DIP2A: variants seen among roughly 807,000 people sequenced by gnomAD.
DIP2A encodes the protein DIP2 acetate--CoA ligase A.
DIP2A carries 85 observed loss-of-function variants against 177.4 expected under a neutral mutation model. The observed-to-expected ratio is 0.48, with a 90% CI of 0.40 to 0.57. DIP2A has a LOEUF of 0.57. DIP2A is among the 20% of genes least tolerant of loss of function. DIP2A has a pLI of 0.00. For missense variants in DIP2A, 1,791 were observed against 2,100.2 expected (o/e 0.85, Z 2.88); for synonymous variants, 886 against 881.8 (o/e 1.00, Z -0.08).
At chr21:46,461,641 G>C (rs2054322650) in intron 1 of DIP2A, among the ~76,000 whole-genome samples, 1 of 152,158 alleles carries the variant, frequency 6.6e-6, no homozygotes, top group African/African-American at 2.4e-5. Context: ...CTATCTGTTG[G>C]ATCCATTTAT....
At chr21:46,574,755 T>C (rs2060982414), downstream of DIP2A, among the ~76,000 whole-genome samples, 1 of 152,030 alleles carries the variant, frequency 6.6e-6, no homozygotes, top group Non-Finnish European at 1.5e-5. Context: ...CATGAAGAAA[T>C]AGAAAATCTG....
intron 6 of DIP2A, among the ~76,000 whole-genome samples, chr21:46,508,824 C>T (rs1321761685): frequency 6.6e-6 from 1 of 151,534 alleles, no homozygotes; most frequent in East Asian, 2.0e-4. Context: ...AGATCGATAC[C>T]ATCCTGGCCA....
intron 1 of DIP2A, among the ~76,000 whole-genome samples, chr21:46,463,697 TGTGTGTGTGTGTGTGTGTGTGTA>T (rs1445417199): frequency 1.6e-4 from 24 of 151,410 alleles, no homozygotes; most frequent in African/African-American, 5.1e-4. Flanking sequence ...TGTGTGTGTG[TGTGTGTGTGTGTGTGTGTGTGTA>T]TATTTTGAGA....
intron 33 of DIP2A, chr21:46,561,508 AGAGT>A: frequency 1.7e-6 from 1 of 598,508 alleles, no homozygotes; most frequent in East Asian, 3.3e-5. Context: ...AACGAAATGT[AGAGT>A]GAGCTGCTGT....
rs201810968 is a variant in DIP2A at position 46,551,711 on chromosome 21, G to A, written c.2917G>A (p.Ala973Thr). 128 of 1,613,844 alleles carry A rather than the reference G, an allele frequency of 7.9e-5. No homozygotes were observed. Among genetic ancestry groups the A allele is most frequent in the African/African-American group, 2.4e-4 (18 of 74,920 alleles). ...CGCTCAGGCTTCCGGGAGAGAGCTC[G>A]CCCACCTGGAGGACAGCGACCAGGC... is the stretch of plus-strand genomic sequence containing the variant. ...RIAQASGRELAHLEDSDQARK... is the reference protein window; with the variant it reads ...RIAQASGRELTHLEDSDQARK... The change falls in exon 24 of 38, where the codon GCC becomes ACC. Residue 973 changes from alanine to threonine, a missense_variant. Ala to Thr is a moderately conservative substitution (Grantham distance 58). Transcript: ENST00000417564.
chr21:46,487,661 C>T lies in DIP2A; in HGVS notation c.163+2833C>T, dbSNP rs118144326. On this transcript the variant is annotated intron_variant, in intron 2 of 37. Coordinates refer to ENST00000417564, the MANE Select transcript of DIP2A (RefSeq NM_015151.4). ...GATATGAAGATAGAAGGCAAATATG[C>T]GGCTTTTCTCTAGCAATATTTCTGT... 6.4e-4 allele frequency among the ~76,000 whole-genome samples: 97 copies of T among 152,194 alleles called. 1 individual carries two copies. In the East Asian group the frequency reaches 0.017, roughly 27 times the overall value.
chr21:46,503,611 CCTTT>C lies in DIP2A; in HGVS notation c.656-728_656-725del, dbSNP rs779856854. Among the ~76,000 whole-genome samples the C allele has an allele frequency of 4.2e-3, 538 of 128,564 alleles. 1 individual carries two copies. The highest frequency in any genetic ancestry group is 6.5e-3 in the South Asian group (27 of 4,172). 84.3% of individuals were successfully genotyped at this position (128,564 alleles called of 152,430 possible). ...TCCTTCCTTCCTTCCTTCCTTCCTT[CCTTT>C]CTTTCTTTCTTTCTTTCTTTCCTTT... On this transcript the variant is annotated intron_variant, in intron 5 of 37. Transcript: ENST00000417564.
In DIP2A at chr21:46,557,272, T is replaced by C. The variant is rs2060500966; in HGVS notation, c.3629+203T>C. 2 of 655,304 alleles carry C rather than the reference T, an allele frequency of 3.1e-6. No individual in the cohort carries two copies. The highest frequency in any genetic ancestry group is 3.0e-5 in the Admixed American group (1 of 33,848). The allele number at this position is 655,304 out of a possible 1,614,324, so 40.6% of individuals were successfully genotyped here. On this transcript the variant is annotated intron_variant, in intron 30 of 37. Transcript: ENST00000417564. The surrounding 1 kb of genome is among the most constrained non-coding windows in gnomAD (Gnocchi z 6.0). ...TTTTCATTAAATACACTGTCCGTTA[T>C]CAGTACTTGGGAAGAATCTGCTTGA...
At chr21:46,541,631 T>A (rs1206875857) in intron 17 of DIP2A, 125 bp from the exon 18 acceptor site, 18 of 1,135,350 alleles carry the variant, frequency 1.6e-5, no homozygotes, top group Non-Finnish European at 2.3e-5. Flanking sequence ...GAACATGCGT[T>A]TCTCACAAGT....
chr21:46,506,752 C>CTTTTCT (rs1568994498), intron 6 of DIP2A, among the ~76,000 whole-genome samples: 6 of 102,460 alleles, frequency 5.9e-5, no homozygotes, highest in Non-Finnish European at 8.3e-5. Context: ...TTCTTTCTTT[C>CTTTTCT]TTTCTTTCTT....
chr21:46,543,708 A>G (rs2059917650), intron 18 of DIP2A, among the ~76,000 whole-genome samples: 1 of 152,180 alleles, frequency 6.6e-6, no homozygotes, highest in Non-Finnish European at 1.5e-5. Context: ...CTACTGTATC[A>G]AGTGTGTATG....
At position 46,516,488 on chromosome 21, in the gene DIP2A, C is replaced by CTTTTTT. The variant is rs1158910021; in HGVS notation, c.1102+4890_1102+4895dup. Among the ~76,000 whole-genome samples, 115 of 76,362 alleles carry CTTTTTT rather than the reference C, an allele frequency of 1.5e-3. 1 individual carries two copies. Among genetic ancestry groups the CTTTTTT allele is most frequent in the Non-Finnish European group, 2.0e-3 (74 of 36,598 alleles). The allele number at this position is 76,362 out of a possible 152,430, so 50.1% of individuals were successfully genotyped here. On this transcript the variant is annotated intron_variant, in intron 8 of 37. Coordinates refer to ENST00000417564, the MANE Select transcript of DIP2A (RefSeq NM_015151.4). Reference sequence around the variant, plus strand: ...TCTTTAATCTTGTCTTCTGAAATTTCTTTTTTTTTTTTTTTTTTTTTGAGA... The same window carrying CTTTTTT: ...TCTTTAATCTTGTCTTCTGAAATTTCTTTTTTTTTTTTTTTTTTTTTTTTTTTGAGA...
Position 46,557,027 on chromosome 21 carries a change from A to AC in DIP2A, c.3591dup (p.Tyr1198LeufsTer146), listed in dbSNP as rs2060493770. ...TCGCGGCAGATCGCCATCTGCCTCGACCCCTACTGTGGCCTTGGTTTTGCC... is the reference window on the plus strand; with the variant it reads ...TCGCGGCAGATCGCCATCTGCCTCGACCCCCTACTGTGGCCTTGGTTTTGCC... On this transcript the variant is annotated frameshift_variant, in exon 30 of 38. Coordinates refer to ENST00000417564, the MANE Select transcript of DIP2A (RefSeq NM_015151.4). LOFTEE classifies it high-confidence loss of function. This position sits in a 1 kb window ranked among gnomAD's most constrained non-coding sequence, Gnocchi z 6.0. 1 of 1,603,798 alleles carries AC rather than the reference A, an allele frequency of 6.2e-7. No individual in the cohort carries two copies. Among genetic ancestry groups the AC allele is most frequent in the African/African-American group, 1.3e-5 (1 of 74,452 alleles).
At chr21:46,531,356 A>G (rs1277260336) in intron 9 of DIP2A, among the ~76,000 whole-genome samples, 1 of 152,222 alleles carries the variant, frequency 6.6e-6, no homozygotes. Context: ...CAAATTAGCT[A>G]GAGAATACAC....
intron 1 of DIP2A, among the ~76,000 whole-genome samples, chr21:46,464,222 C>T (rs1416575877): frequency 6.6e-6 from 1 of 151,470 alleles, no homozygotes; most frequent in Non-Finnish European, 1.5e-5. Flanking sequence ...GGTGAAACCC[C>T]ATCTCTACTA....
chr21:46,534,514 A>G (rs1224793029), intron 12 of DIP2A, 71 bp from the exon 13 acceptor site: 6 of 1,405,792 alleles, frequency 4.3e-6, no homozygotes, highest in East Asian at 2.4e-5. Flanking sequence ...TGAAGATTCT[A>G]CCAGTTTCCA....
intron 1 of DIP2A, among the ~76,000 whole-genome samples, chr21:46,475,749 T>G (rs1329767704): frequency 6.6e-6 from 1 of 151,662 alleles, no homozygotes; most frequent in Admixed American, 6.6e-5. Context: ...TAGAGAGAGA[T>G]GACTCCCATT....
intron 8 of DIP2A, among the ~76,000 whole-genome samples, chr21:46,521,573 A>C (rs1351423953): frequency 6.6e-6 from 1 of 152,222 alleles, no homozygotes; most frequent in East Asian, 1.9e-4. Context: ...TATTGATGTC[A>C]AACCCAATTC....
the DIP2A span, among the ~76,000 whole-genome samples, chr21:46,581,584 C>T: frequency 6.6e-6 from 1 of 152,180 alleles, no homozygotes; most frequent in Non-Finnish European, 1.5e-5. Flanking sequence ...TCTTTGTGAG[C>T]TTGTCTACCT....
Sources: allele counts gnomAD v4.1 joint callset (sites outside exome capture counted in the v4.1 genomes callset), GRCh38; gene constraint gnomAD v4.1.1; non-coding constraint Gnocchi (gnomAD v3.1); transcripts MANE v1.5; gene names NCBI Gene and HGNC (gene_info 2026-07-23, HGNC 2026-07-21).